Variants in PHKB observed in about 807,000 individuals in gnomAD.
PHKB encodes phosphorylase b kinase regulatory subunit beta.
A neutral mutation model predicts 152.1 loss-of-function variants in PHKB; 122 were observed. The ratio of observed to expected loss-of-function variants is 0.80; its 90% CI spans 0.69 to 0.93. The LOEUF (loss-of-function observed/expected upper bound fraction) is 0.93, where lower values mean the gene tolerates loss of function less well. PHKB is among the 40% of genes least tolerant of loss of function. The pLI is 0.00. For missense variants in PHKB, 1,304 were observed against 1,328.4 expected (o/e 0.98, Z 0.29); for synonymous variants, 436 against 464.9 (o/e 0.94, Z 0.80).
intron 14 of PHKB, among the ~76,000 whole-genome samples, chr16:47,640,189 A>C (rs1257114820): frequency 6.6e-6 from 1 of 152,178 alleles, no homozygotes. Context: ...ATTGAATACC[A>C]TAGAGAGGAA....
intron 7 of PHKB, among the ~76,000 whole-genome samples, chr16:47,558,423 T>C (rs922042854): frequency 7.2e-5 from 11 of 152,166 alleles, no homozygotes; most frequent in Non-Finnish European, 5.9e-5. Context: ...TGTGAGGTCA[T>C]GTTATGATTG....
chr16:47,699,449 T>G lies in PHKB; in HGVS notation c.*83T>G. 2 of 1,512,590 alleles carry G rather than the reference T, an allele frequency of 1.3e-6. No homozygotes were observed. Among genetic ancestry groups the G allele is most frequent in the Non-Finnish European group, 1.8e-6 (2 of 1,087,684 alleles). 93.7% of individuals were successfully genotyped at this position (1,512,590 alleles called of 1,614,324 possible). On this transcript the variant is annotated 3_prime_UTR_variant, in exon 31 of 31. Coordinates refer to ENST00000323584, the MANE Select transcript of PHKB (RefSeq NM_000293.3). ...TGTTCAAGCTTAATCAAGGCAGCCA[T>G]TAATATACGAACTGAGCATGCTGGG...
intron 14 of PHKB, among the ~76,000 whole-genome samples, chr16:47,634,792 G>A (rs1222195796): frequency 6.6e-6 from 1 of 152,212 alleles, no homozygotes; most frequent in Non-Finnish European, 1.5e-5. Context: ...GGGAGAATAA[G>A]AAAGCAGAGG....
chr16:47,576,133 T>C (rs1971745817), intron 7 of PHKB, among the ~76,000 whole-genome samples: 1 of 152,128 alleles, frequency 6.6e-6, no homozygotes, highest in South Asian at 2.1e-4. Flanking sequence ...TTCATCACTA[T>C]GCACTATTTC....
intron 29 of PHKB, among the ~76,000 whole-genome samples, chr16:47,697,722 A>C (rs578052803): frequency 1.3e-5 from 2 of 152,342 alleles, no homozygotes; most frequent in Admixed American, 1.3e-4. Context: ...AGCCATAAAC[A>C]TCATCAGAGA....
chr16:47,483,122 T>G (rs973240606), intron 1 of PHKB, among the ~76,000 whole-genome samples: 3 of 131,912 alleles, frequency 2.3e-5, no homozygotes, highest in Non-Finnish European at 4.7e-5. Context: ...CACTGCAACC[T>G]CCACCTCCTG....
chr16:47,548,422 C>T (rs1384531633), intron 7 of PHKB, among the ~76,000 whole-genome samples: 1 of 152,078 alleles, frequency 6.6e-6, no homozygotes, highest in East Asian at 1.9e-4. Context: ...GCGTGGCCAA[C>T]ATGGTGAAAC....
intron 8 of PHKB, among the ~76,000 whole-genome samples, chr16:47,581,198 T>C (rs1216923993): frequency 2.0e-5 from 3 of 152,220 alleles, no homozygotes; most frequent in Non-Finnish European, 2.9e-5. Context: ...ATTATAATAC[T>C]ATCTACTCAA....
chr16:47,566,633 G>T (rs1441429802), intron 7 of PHKB: 3 of 1,136,154 alleles, frequency 2.6e-6, no homozygotes, highest in Admixed American at 3.4e-5. Flanking sequence ...TGGGAAGATG[G>T]CTCCAGTCGA....
chr16:47,598,677 G>A (rs974925479), intron 13 of PHKB: 12 of 1,542,418 alleles, frequency 7.8e-6, no homozygotes, highest in African/African-American at 2.7e-5. Context: ...TCCACTGATC[G>A]GCAGGAGGCT....
chr16:47,612,096 A>T (rs1236205157), intron 14 of PHKB, among the ~76,000 whole-genome samples: 1 of 152,266 alleles, frequency 6.6e-6, no homozygotes, highest in African/African-American at 2.4e-5. Flanking sequence ...GTTTGTAGGT[A>T]CAGTGCAAGT....
rs149067623 is a variant in PHKB at position 47,663,065 on chromosome 16, C to T, written c.2279-612C>T. Among the ~76,000 whole-genome samples the T allele has an allele frequency of 1.2e-4, 18 of 152,122 alleles. No homozygotes were observed. In the East Asian group the frequency reaches 3.3e-3, roughly 28 times the overall value. ...CTACAGAATCTGAATATAATTTTATCCAATTTGTTAAAAGGCTGTAAAAAG... is the reference window on the plus strand; with the variant it reads ...CTACAGAATCTGAATATAATTTTATTCAATTTGTTAAAAGGCTGTAAAAAG... On this transcript the variant is annotated intron_variant, in intron 23 of 30. Transcript: ENST00000323584.
intron 26 of PHKB, among the ~76,000 whole-genome samples, chr16:47,687,353 A>C (rs375877982): frequency 4.3e-4 from 66 of 152,226 alleles, no homozygotes; most frequent in African/African-American, 1.5e-3. Flanking sequence ...CATCCAAAAG[A>C]ACTATGTTCT....
chr16:47,589,121 T>C lies in PHKB; in HGVS notation c.1068+19T>C, dbSNP rs780816899. 1.3e-6 allele frequency: 2 copies of C among 1,568,914 alleles called. No individual in the cohort carries two copies. The highest frequency in any genetic ancestry group is 2.2e-5 in the South Asian group (2 of 89,904). The stretch of plus-strand genomic sequence containing the variant: ...AATTAAGGTATTAAAAAATATTCCA[T>C]GGTAATCGCATATCAGAGCAATCAA... On this transcript the variant is annotated intron_variant, in intron 10 of 30. Transcript: ENST00000323584.
At chr16:47,632,030 G>A (rs189524764) in intron 14 of PHKB, among the ~76,000 whole-genome samples, 39 of 152,218 alleles carry the variant, frequency 2.6e-4, no homozygotes, top group East Asian at 1.5e-3. Flanking sequence ...ACAAGCTGTC[G>A]TGTATTTCCA....
intron 14 of PHKB, among the ~76,000 whole-genome samples, chr16:47,616,848 A>G (rs1972528300): frequency 6.6e-6 from 1 of 151,658 alleles, no homozygotes; most frequent in Non-Finnish European, 1.5e-5. Context: ...CCACATATTT[A>G]TTGACAGCAA....
At chr16:47,593,085 C>T (rs1024557792) in intron 10 of PHKB, among the ~76,000 whole-genome samples, 2 of 129,276 alleles carry the variant, frequency 1.5e-5, no homozygotes, top group African/African-American at 5.9e-5. Context: ...GACCACATCT[C>T]TGAGAAGAAA....
intron 13 of PHKB, chr16:47,598,731 T>C (rs11555515): frequency 1.3e-6 from 2 of 1,579,268 alleles, no homozygotes; most frequent in Non-Finnish European, 1.7e-6. Flanking sequence ...TCATTTTTCT[T>C]GCCAGATTTA....
intron 6 of PHKB, among the ~76,000 whole-genome samples, chr16:47,535,150 A>G (rs1428164692): frequency 1.3e-5 from 2 of 152,256 alleles, no homozygotes; most frequent in Non-Finnish European, 2.9e-5. Context: ...TACAAGACAC[A>G]GGGGAGAAGA....
Sources: gnomAD v4.1 joint callset for allele counts (sites outside exome capture counted in the v4.1 genomes callset) on GRCh38, gnomAD v4.1.1 for gene constraint, MANE v1.5 for transcripts, NCBI Gene and HGNC (gene_info 2026-07-23, HGNC 2026-07-21) for gene names.